Variants in NEGR1 observed in about 807,000 individuals in gnomAD.
The protein encoded by NEGR1 is neuronal growth regulator 1.
Under a neutral mutation model 40.9 loss-of-function variants are expected in NEGR1, and 10 were observed. The ratio of observed to expected loss-of-function variants is 0.24; its 90% confidence interval spans 0.15 to 0.42. The LOEUF (loss-of-function observed/expected upper bound fraction) is 0.42, where lower values mean the gene tolerates loss of function less well. NEGR1 is among the 10% of genes least tolerant of loss of function. The probability of loss-of-function intolerance (pLI) is 1.00; values close to 1 mark genes in which losing one functional copy is unlikely to be tolerated. For synonymous variants in NEGR1, 185 were observed against 166.8 expected, an observed-to-expected ratio of 1.11 and a Z score of -0.84; for missense variants, 352 against 438.9, an observed-to-expected ratio of 0.80 and a Z score of 1.77.
chr1:71,465,978 T>C (rs777224788), intron 6 of NEGR1, among the ~76,000 whole-genome samples: 3 of 152,044 alleles, frequency 2.0e-5, no homozygotes, highest in Non-Finnish European at 4.4e-5. Flanking sequence ...GATGAGCATT[T>C]TATGTATTCT....
chr1:71,764,887 T>A (rs11209837), intron 3 of NEGR1, among the ~76,000 whole-genome samples: 113,488 of 152,052 alleles, frequency 0.75, 44,276 homozygotes, highest in East Asian at 0.86. Flanking sequence ...ATCTTCTCTT[T>A]TTCTACACAA....
chr1:71,496,949 T>C (rs1171202659), intron 6 of NEGR1, among the ~76,000 whole-genome samples: 1 of 152,216 alleles, frequency 6.6e-6, no homozygotes, highest in Non-Finnish European at 1.5e-5. Context: ...GGAAAATTGA[T>C]AAATCAAAAT....
intron 2 of NEGR1, among the ~76,000 whole-genome samples, chr1:71,859,914 T>C (rs1557679911): frequency 6.6e-6 from 1 of 152,076 alleles, no homozygotes; most frequent in East Asian, 1.9e-4. Context: ...AGAGAACCTC[T>C]CATTGCACCT....
chr1:71,652,174 C>G (rs1345132460), intron 4 of NEGR1, among the ~76,000 whole-genome samples: 1 of 152,150 alleles, frequency 6.6e-6, no homozygotes, highest in Admixed American at 6.5e-5. Flanking sequence ...CCAAAAACAG[C>G]AATGTCTATT....
At chr1:71,411,957 C>T (rs1404099109) in intron 6 of NEGR1, among the ~76,000 whole-genome samples, 8 of 151,946 alleles carry the variant, frequency 5.3e-5, no homozygotes, top group Non-Finnish European at 8.8e-5. Context: ...GCCGAGATCG[C>T]GCCACTGCAC....
At chr1:71,491,458 A>C (rs1646927019) in intron 6 of NEGR1, among the ~76,000 whole-genome samples, 1 of 152,070 alleles carries the variant, frequency 6.6e-6, no homozygotes, top group Non-Finnish European at 1.5e-5. Context: ...ATTTGGGCTA[A>C]AGATGAAAAT....
intron 2 of NEGR1, among the ~76,000 whole-genome samples, chr1:71,913,406 C>G (rs770863477): frequency 6.6e-6 from 1 of 152,144 alleles, no homozygotes; most frequent in East Asian, 1.9e-4. Flanking sequence ...TGAGCCACTG[C>G]GCCCAGCCGG....
At chr1:72,232,354 A>C (rs530947819) in intron 1 of NEGR1, among the ~76,000 whole-genome samples, 13 of 89,956 alleles carry the variant, frequency 1.4e-4, no homozygotes, top group Non-Finnish European at 3.2e-4. Context: ...AGATTCTGTC[A>C]AAAAAAAAAA....
At chr1:72,088,277 CAA>C (rs1418850963) in intron 1 of NEGR1, among the ~76,000 whole-genome samples, 2 of 152,116 alleles carry the variant, frequency 1.3e-5, no homozygotes, top group Non-Finnish European at 2.9e-5. Flanking sequence ...AGCTCTTACT[CAA>C]AGTGTCAGAC....
chr1:72,258,194 T>C (rs1655336741), intron 1 of NEGR1, among the ~76,000 whole-genome samples: 1 of 152,204 alleles, frequency 6.6e-6, no homozygotes, highest in South Asian at 2.1e-4. Flanking sequence ...TAGATTTCTT[T>C]TTTGGTTTTC....
chr1:71,614,767 C>T (rs1357152986), intron 4 of NEGR1, among the ~76,000 whole-genome samples: 1 of 152,070 alleles, frequency 6.6e-6, no homozygotes. Context: ...CGGAACATTG[C>T]CTGAAAACCC....
At chr1:71,411,999 TA>T (rs949577180) in intron 6 of NEGR1, among the ~76,000 whole-genome samples, 43 of 144,562 alleles carry the variant, frequency 3.0e-4, no homozygotes, top group African/African-American at 6.3e-4. Context: ...AGACTCTGTC[TA>T]AAAAAAAAAA....
At chr1:72,112,866 T>C (rs1046917398) in intron 1 of NEGR1, among the ~76,000 whole-genome samples, 9 of 151,634 alleles carry the variant, frequency 5.9e-5, no homozygotes, top group African/African-American at 2.2e-4. Context: ...GAATTTGGTG[T>C]TTTGCAAAAT....
In NEGR1 at chr1:71,772,448, A is replaced by T. The variant is rs959621116; in HGVS notation, c.535+3724T>A. Among the ~76,000 whole-genome samples, 3 of 152,094 alleles carry T rather than the reference A, an allele frequency of 2.0e-5. No homozygotes were observed. The South Asian group carries it at 6.2e-4, about 32-fold the overall frequency. On this transcript the variant is annotated intron_variant, in intron 3 of 6. Transcript: ENST00000357731. Reference sequence around the variant, plus strand: ...GGGAGTATATACATTGTTGAAAAAAAATGTCAATGTTCAGTAATGACACTG... The same window carrying T: ...GGGAGTATATACATTGTTGAAAAAATATGTCAATGTTCAGTAATGACACTG...
At chr1:72,216,402 C>CATATAT (rs56767155) in intron 1 of NEGR1, among the ~76,000 whole-genome samples, 2 of 119,542 alleles carry the variant, frequency 1.7e-5, no homozygotes, top group African/African-American at 6.4e-5. Context: ...TATATATATA[C>CATATAT]ATATATATAT....
intron 1 of NEGR1, among the ~76,000 whole-genome samples, chr1:71,974,133 ATCCAG>A (rs1646281895): frequency 6.6e-6 from 1 of 152,152 alleles, no homozygotes; most frequent in South Asian, 2.1e-4. Context: ...TGCCTCAGGA[ATCCAG>A]TCTAAAGGAC....
chr1:72,178,684 C>A (rs141374914), intron 1 of NEGR1, among the ~76,000 whole-genome samples: 9 of 151,258 alleles, frequency 6.0e-5, no homozygotes, highest in African/African-American at 1.7e-4. Flanking sequence ...ACCTTGCCAG[C>A]GTCTGTTTTT....
intron 1 of NEGR1, among the ~76,000 whole-genome samples, chr1:71,944,486 C>T (rs547592490): frequency 6.6e-6 from 1 of 152,222 alleles, no homozygotes; most frequent in African/African-American, 2.4e-5. Flanking sequence ...TGCAGCTCGT[C>T]TCCCTTCCAT....
At chr1:71,541,288 G>T (rs897672658) in intron 6 of NEGR1, among the ~76,000 whole-genome samples, 1 of 151,678 alleles carries the variant, frequency 6.6e-6, no homozygotes, top group Non-Finnish European at 1.5e-5. Context: ...ACCAATTTTT[G>T]TATCTCTCAT....
Sources: allele counts gnomAD v4.1 joint callset (sites outside exome capture counted in the v4.1 genomes callset), GRCh38; gene constraint gnomAD v4.1.1; transcripts MANE v1.5; gene names NCBI Gene and HGNC (gene_info 2026-07-23, HGNC 2026-07-21).